GRB10: variants seen among roughly 807,000 people sequenced by gnomAD.
GRB10 encodes the protein growth factor receptor-bound protein 10.
Under a neutral mutation model 80.9 loss-of-function variants are expected in GRB10, and 20 were observed. The ratio of observed to expected loss-of-function variants is 0.25; its 90% CI spans 0.17 to 0.36. The LOEUF (loss-of-function observed/expected upper bound fraction) is 0.36, where lower values mean the gene tolerates loss of function less well. GRB10 is among the 10% of genes least tolerant of loss of function. GRB10 has a pLI of 1.00. For missense variants in GRB10, 548 were observed against 747.7 expected (o/e 0.73, Z 3.12); for synonymous variants, 291 against 291.5 (o/e 1.00, Z 0.02).
At position 50,672,053 on chromosome 7, in the gene GRB10, C is replaced by T. The variant is rs555991085; in HGVS notation, c.363-2190G>A. ...CTAGAACACATGCGTGGCCCTTGCA[C>T]TCTCAAAAGCCTGGGTTCCTTCTCT... On this transcript the variant is annotated intron_variant, in intron 6 of 18. Coordinates refer to ENST00000401949, the MANE Select transcript of GRB10 (RefSeq NM_001350814.2). 2.0e-5 allele frequency among the ~76,000 whole-genome samples: 3 copies of T among 152,354 alleles called. No homozygotes were observed. The South Asian group carries it at 6.2e-4, about 32-fold the overall frequency.
intron 4 of GRB10, among the ~76,000 whole-genome samples, chr7:50,723,674 C>G (rs2068109160): frequency 6.6e-6 from 1 of 152,202 alleles, no homozygotes; most frequent in African/African-American, 2.4e-5. Flanking sequence ...TTGGGTGGTC[C>G]CTGGAGGCTC....
intron 5 of GRB10, among the ~76,000 whole-genome samples, chr7:50,688,974 C>CAT (rs1316461585): frequency 6.6e-5 from 10 of 152,136 alleles, no homozygotes; most frequent in Admixed American, 2.0e-4. Context: ...GAGAGCTGGC[C>CAT]ATGCACAGAG....
intron 2 of GRB10, among the ~76,000 whole-genome samples, chr7:50,761,295 A>G (rs2075739134): frequency 6.6e-6 from 1 of 152,266 alleles, no homozygotes; most frequent in South Asian, 2.1e-4. Flanking sequence ...CAATAATTGT[A>G]AAGTTTCTCT....
rs1194869065 is a variant in GRB10 at position 50,736,285 on chromosome 7, C to CA, written c.-46-3918dup. 4.0e-5 allele frequency among the ~76,000 whole-genome samples: 6 copies of CA among 151,728 alleles called. No homozygotes were observed. In the South Asian group the frequency reaches 6.3e-4, roughly 16 times the overall value. The stretch of plus-strand genomic sequence containing the variant: ...TGGGCAACACAGCCAGACTTCATCT[C>CA]AAAAAAACAAAAGAAAACAAAATGA... On this transcript the variant is annotated intron_variant, in intron 3 of 18. Coordinates refer to ENST00000401949, the MANE Select transcript of GRB10 (RefSeq NM_001350814.2).
intron 15 of GRB10, chr7:50,605,022 T>C (rs150831985): frequency 6.0e-6 from 3 of 502,798 alleles, no homozygotes; most frequent in African/African-American, 1.9e-5. Flanking sequence ...CAGTTCTGCA[T>C]AGGAGCCACG....
chr7:50,710,754 C>A, intron 4 of GRB10: 1 of 1,094,818 alleles, frequency 9.1e-7, no homozygotes. Context: ...ATCTCCACAC[C>A]TTCCTGAGGC....
chr7:50,612,839 G>C lies in GRB10; in HGVS notation c.1096C>G (p.Pro366Ala), dbSNP rs765759104. The change falls in exon 13 of 19, where the codon CCA becomes GCA. Residue 366 changes from proline to alanine, a missense_variant and splice_region_variant. By Grantham distance (27) the Pro-to-Ala change is conservative. Around this residue, in one of 4 missense-constraint regions of GRB10, gnomAD observed 270 missense variants for 433.6 expected, o/e 0.62. Coordinates refer to ENST00000401949, the MANE Select transcript of GRB10 (RefSeq NM_001350814.2). The part of the protein sequence containing the change: ...APTDHGLCIK[P>A]NKVRNETKEL... ...TTAGTTTCATTCCTGACTTTGTTTG[G>C]CTACAGGAGGTAAAAGAAAGTCCTG... The C allele has an allele frequency of 7.5e-6, 12 of 1,609,090 alleles. No individual in the cohort carries two copies. Among genetic ancestry groups the C allele is most frequent in the Non-Finnish European group, 8.5e-6 (10 of 1,175,776 alleles).
Position 50,757,055 on chromosome 7 carries a change from C to T in GRB10, c.-216-999G>A, listed in dbSNP as rs186197023. Among the ~76,000 whole-genome samples, 7 of 152,264 alleles carry T rather than the reference C, an allele frequency of 4.6e-5. No homozygotes were observed. In the East Asian group the frequency reaches 1.4e-3, roughly 29 times the overall value. ...CGGTGAAAATGAAACCTGCCCCTGC[C>T]TCTTACCTGACATCAAGAAGTCCTG... On this transcript the variant is annotated intron_variant, in intron 2 of 18. Transcript: ENST00000401949.
intron 3 of GRB10, among the ~76,000 whole-genome samples, chr7:50,754,281 A>T (rs2074678761): frequency 6.6e-6 from 1 of 152,200 alleles, no homozygotes; most frequent in African/African-American, 2.4e-5. Context: ...CACTGGCCAC[A>T]AAGCGTGGCT....
rs368100445 is a variant in GRB10 at position 50,739,324 on chromosome 7, C to A, written c.-46-6956G>T. ...TCCTAACTGAAACTCTAGAGTCTAG[C>A]AGACTGTAGATGATACTCTTAGGCC... On this transcript the variant is annotated intron_variant, in intron 3 of 18. Coordinates refer to ENST00000401949, the MANE Select transcript of GRB10 (RefSeq NM_001350814.2). 5.6e-4 allele frequency among the ~76,000 whole-genome samples: 86 copies of A among 152,300 alleles called. No individual in the cohort carries two copies. The South Asian group carries it at 0.014, about 25-fold the overall frequency.
intron 4 of GRB10, among the ~76,000 whole-genome samples, chr7:50,712,615 A>C (rs958311936): frequency 1.3e-5 from 2 of 152,226 alleles, no homozygotes; most frequent in Admixed American, 6.5e-5. Context: ...CGGCCTAAAA[A>C]ACACACAGAT....
In GRB10 at chr7:50,674,389, C is replaced by A. The variant is rs1586723150; in HGVS notation, c.362+47G>T. ...TCACAGAGAGCAGTGTCCCTGCCGACAGCTCTCATCCTTGGAGAAGGCTCT... is the reference window on the plus strand; with the variant it reads ...TCACAGAGAGCAGTGTCCCTGCCGAAAGCTCTCATCCTTGGAGAAGGCTCT... On this transcript the variant is annotated intron_variant, in intron 6 of 18. Transcript: ENST00000401949. 4 of 1,563,646 alleles carry A rather than the reference C, an allele frequency of 2.6e-6. No individual in the cohort carries two copies. The East Asian group carries it at 8.9e-5, about 35-fold the overall frequency.
At chr7:50,785,580 G>A (rs894286624), upstream of GRB10, among the ~76,000 whole-genome samples, 2 of 152,204 alleles carry the variant, frequency 1.3e-5, no homozygotes, top group African/African-American at 2.4e-5. Context: ...CTGGGAGCTC[G>A]TGACACAAGC....
At chr7:50,771,534 CT>C (rs533532953) in intron 2 of GRB10, among the ~76,000 whole-genome samples, 267 of 152,322 alleles carry the variant, frequency 1.8e-3, no homozygotes, top group African/African-American at 6.3e-3. Flanking sequence ...GACTGCCCCC[CT>C]GGGGTTGCCA....
chr7:50,617,582 T>C (rs955288578), intron 10 of GRB10, among the ~76,000 whole-genome samples: 1 of 152,200 alleles, frequency 6.6e-6, no homozygotes, highest in African/African-American at 2.4e-5. Context: ...ATCAGGACAA[T>C]TAAAGCAGGT....
intron 3 of GRB10, among the ~76,000 whole-genome samples, chr7:50,743,312 A>G (rs2072237891): frequency 6.6e-6 from 1 of 152,224 alleles, no homozygotes; most frequent in Admixed American, 6.5e-5. Flanking sequence ...ATTCTATTCA[A>G]GCATCTACAG....
rs535388920 is a variant in GRB10 at position 50,605,095 on chromosome 7, C to T, written c.1389+195G>A. ...TGAAAGCCCAGGGGACAGGGGACAG[C>T]GGGGAAAGGCTGGGTGCTGGGAACA... is the stretch of plus-strand genomic sequence containing the variant. On this transcript the variant is annotated intron_variant, in intron 15 of 18. Transcript: ENST00000401949. 177 of 605,130 alleles carry T rather than the reference C, an allele frequency of 2.9e-4. 1 individual carries two copies. The South Asian group carries it at 3.1e-3, about 10-fold the overall frequency. The allele number at this position is 605,130 out of a possible 1,614,324, so 37.5% of individuals were successfully genotyped here.
At chr7:50,789,639 G>T (rs2078832715) in intron 1 of GRB10, among the ~76,000 whole-genome samples, 1 of 152,154 alleles carries the variant, frequency 6.6e-6, no homozygotes, top group South Asian at 2.1e-4. Flanking sequence ...TCTGTTGCTG[G>T]GTCCAGCCCA....
chr7:50,744,251 G>A (rs1461546956), intron 3 of GRB10, among the ~76,000 whole-genome samples: 2 of 152,202 alleles, frequency 1.3e-5, no homozygotes, highest in African/African-American at 4.8e-5. Flanking sequence ...AACCATCACA[G>A]GCCGGCAGGC....
Sources: allele counts gnomAD v4.1 joint callset (sites outside exome capture counted in the v4.1 genomes callset), GRCh38; gene constraint gnomAD v4.1.1; regional missense constraint gnomAD v4.1.1; transcripts MANE v1.5; gene names NCBI Gene and HGNC (gene_info 2026-07-23, HGNC 2026-07-21).